GALNTL6: variants seen among roughly 807,000 people sequenced by gnomAD.
The protein encoded by GALNTL6 is polypeptide N-acetylgalactosaminyltransferase like 6.
In GALNTL6, 46 loss-of-function variants were observed where a neutral mutation model predicts 73.7. The observed-to-expected ratio is 0.62, with a 90% CI of 0.49 to 0.80. GALNTL6 has a LOEUF of 0.80. GALNTL6 is among the 30% of genes least tolerant of loss of function. GALNTL6 has a pLI of 0.00. For missense variants in GALNTL6, 604 were observed against 755.0 expected (o/e 0.80, Z 2.34); for synonymous variants, 259 against 263.7 (o/e 0.98, Z 0.17).
chr4:172,175,932 A>T (rs986821438), intron 2 of GALNTL6, among the ~76,000 whole-genome samples: 1 of 152,202 alleles, frequency 6.6e-6, no homozygotes, highest in Admixed American at 6.5e-5. Flanking sequence ...TAGTTGAATA[A>T]TTACAGATGA....
At chr4:172,737,149 C>G (rs1736518482) in intron 5 of GALNTL6, among the ~76,000 whole-genome samples, 1 of 152,130 alleles carries the variant, frequency 6.6e-6, no homozygotes, top group Non-Finnish European at 1.5e-5. Flanking sequence ...ATATTTATAT[C>G]TTTTTCAAGT....
intron 12 of GALNTL6, among the ~76,000 whole-genome samples, chr4:173,039,551 C>T (rs1054026061): frequency 1.3e-5 from 2 of 152,094 alleles, no homozygotes; most frequent in African/African-American, 4.8e-5. Flanking sequence ...TGTTTCTTCC[C>T]AGATAGCTAC....
At chr4:172,522,680 A>C (rs59620798) in intron 5 of GALNTL6, among the ~76,000 whole-genome samples, 346 of 8,916 alleles carry the variant, frequency 0.039, 2 homozygotes, top group East Asian at 0.14. Context: ...CCCCCCCCCA[A>C]AAAAAAAGTG....
chr4:172,551,202 G>A (rs946267345), intron 5 of GALNTL6, among the ~76,000 whole-genome samples: 4 of 152,034 alleles, frequency 2.6e-5, no homozygotes, highest in African/African-American at 7.2e-5. Flanking sequence ...ATTATAAAAC[G>A]TTTTTTCTTC....
chr4:171,984,709 G>T (rs1326868497), intron 2 of GALNTL6, among the ~76,000 whole-genome samples: 1 of 152,104 alleles, frequency 6.6e-6, no homozygotes, highest in African/African-American at 2.4e-5. Context: ...GAGGAAAGAG[G>T]AGATAGAAAA....
At chr4:172,201,072 A>G (rs1221679848) in intron 2 of GALNTL6, among the ~76,000 whole-genome samples, 1 of 152,160 alleles carries the variant, frequency 6.6e-6, no homozygotes, top group Non-Finnish European at 1.5e-5. Flanking sequence ...TAAAAACGAT[A>G]CATAAGGAAA....
At chr4:172,554,463 A>G (rs1002901686) in intron 5 of GALNTL6, among the ~76,000 whole-genome samples, 3 of 151,830 alleles carry the variant, frequency 2.0e-5, no homozygotes, top group Non-Finnish European at 2.9e-5. Flanking sequence ...TAATTGAAGT[A>G]TAACATATGT....
chr4:172,033,915 CTAATAACACTTT>C (rs1472423075), intron 2 of GALNTL6, among the ~76,000 whole-genome samples: 1 of 152,080 alleles, frequency 6.6e-6, no homozygotes, highest in Non-Finnish European at 1.5e-5. Context: ...TGTGTATATC[CTAATAACACTTT>C]TATTGCACTA....
At chr4:171,916,570 A>G (rs1480507203) in intron 2 of GALNTL6, among the ~76,000 whole-genome samples, 1 of 152,114 alleles carries the variant, frequency 6.6e-6, no homozygotes, top group African/African-American at 2.4e-5. Flanking sequence ...AATCTTTGCT[A>G]TGTTTGTACA....
chr4:172,789,729 G>T (rs1383545770), intron 5 of GALNTL6, among the ~76,000 whole-genome samples: 3 of 152,156 alleles, frequency 2.0e-5, no homozygotes, highest in Non-Finnish European at 4.4e-5. Context: ...CTTCCCCCAG[G>T]ATATAGGGCA....
chr4:172,576,148 T>C (rs1736948076), intron 5 of GALNTL6, among the ~76,000 whole-genome samples: 1 of 152,182 alleles, frequency 6.6e-6, no homozygotes, highest in Admixed American at 6.5e-5. Flanking sequence ...TTTTTAACTA[T>C]GTTAAAGGTG....
chr4:172,236,081 T>C (rs915295814), intron 3 of GALNTL6, among the ~76,000 whole-genome samples: 37 of 152,246 alleles, frequency 2.4e-4, no homozygotes, highest in African/African-American at 8.7e-4. Context: ...AGAATAAGCA[T>C]TTTGGAAACT....
intron 3 of GALNTL6, among the ~76,000 whole-genome samples, chr4:172,274,399 T>C (rs534077656): frequency 6.6e-6 from 1 of 152,288 alleles, no homozygotes; most frequent in East Asian, 1.9e-4. Context: ...AATTAAAACT[T>C]GAAGAATTTA....
At chr4:171,989,046 T>C (rs1044131597) in intron 2 of GALNTL6, among the ~76,000 whole-genome samples, 1 of 151,998 alleles carries the variant, frequency 6.6e-6, no homozygotes, top group Non-Finnish European at 1.5e-5. Flanking sequence ...AAAGGAGTGC[T>C]TAAAAGAGTA....
intron 8 of GALNTL6, among the ~76,000 whole-genome samples, chr4:172,891,496 A>G (rs1182328874): frequency 2.0e-5 from 3 of 152,108 alleles, no homozygotes; most frequent in African/African-American, 7.2e-5. Context: ...TCTGACTTAT[A>G]ATGTTTCTGC....
intron 3 of GALNTL6, among the ~76,000 whole-genome samples, chr4:172,266,583 A>G (rs1225367822): frequency 6.6e-6 from 1 of 152,164 alleles, no homozygotes; most frequent in Non-Finnish European, 1.5e-5. Context: ...TTATTAAAAT[A>G]CACGAAAGTA....
intron 5 of GALNTL6, among the ~76,000 whole-genome samples, chr4:172,714,083 TGTG>T (rs1343372541): frequency 6.6e-6 from 1 of 152,150 alleles, no homozygotes; most frequent in East Asian, 1.9e-4. Context: ...TGAGTGTGGT[TGTG>T]GTGTACGATG....
intron 5 of GALNTL6, among the ~76,000 whole-genome samples, chr4:172,542,023 C>A (rs1373247213): frequency 6.6e-6 from 1 of 151,634 alleles, no homozygotes; most frequent in Non-Finnish European, 1.5e-5. Context: ...GGTTCGTTGT[C>A]CCAGTCAGGA....
At chr4:172,515,341 T>A (rs897175177) in intron 5 of GALNTL6, among the ~76,000 whole-genome samples, 1 of 152,264 alleles carries the variant, frequency 6.6e-6, no homozygotes, top group African/African-American at 2.4e-5. Flanking sequence ...GAAGGATATC[T>A]GTTCGCATCC....
Sources: gnomAD v4.1 joint callset for allele counts (sites outside exome capture counted in the v4.1 genomes callset) on GRCh38, gnomAD v4.1.1 for gene constraint, MANE v1.5 for transcripts, NCBI Gene and HGNC (gene_info 2026-07-23, HGNC 2026-07-21) for gene names.